Variants in SGCD observed in about 807,000 individuals in gnomAD.
SGCD encodes delta-sarcoglycan.
A neutral mutation model predicts 36.6 loss-of-function variants in SGCD; 18 were observed. The observed-to-expected ratio is 0.49, with a 90% CI of 0.34 to 0.73. The LOEUF (loss-of-function observed/expected upper bound fraction) is 0.73. Among genes scored for constraint, SGCD ranks in the 30% least tolerant of loss-of-function variants. The probability of loss-of-function intolerance (pLI) is 0.01; values close to 1 mark genes in which losing one functional copy is unlikely to be tolerated. For synonymous variants in SGCD, 133 were observed against 130.6 expected, an observed-to-expected ratio of 1.02 and a Z score of -0.12; for missense variants, 387 against 346.7, an observed-to-expected ratio of 1.12 and a Z score of -0.92.
At chr5:156,090,031 C>T (rs1260184648) in intron 1 of SGCD, among the ~76,000 whole-genome samples, 1 of 152,126 alleles carries the variant, frequency 6.6e-6, no homozygotes, top group Non-Finnish European at 1.5e-5. Context: ...ATGAAGGTCC[C>T]TGACATCTCT....
chr5:156,033,247 T>G (rs577102090), intron 1 of SGCD, among the ~76,000 whole-genome samples: 1 of 152,148 alleles, frequency 6.6e-6, no homozygotes, highest in East Asian at 1.9e-4. Flanking sequence ...TTAAAAAAAT[T>G]TTAATATATT....
intron 1 of SGCD, among the ~76,000 whole-genome samples, chr5:156,068,827 A>G (rs1760430225): frequency 6.6e-6 from 1 of 151,842 alleles, no homozygotes; most frequent in African/African-American, 2.4e-5. Flanking sequence ...AACTGGTGTG[A>G]GATGGTATCT....
intron 3 of SGCD, among the ~76,000 whole-genome samples, chr5:156,307,047 T>C (rs916445860): frequency 6.7e-6 from 1 of 150,300 alleles, no homozygotes; most frequent in Non-Finnish European, 1.5e-5. Context: ...TTTTCTTTTT[T>C]TTTTTTTTTT....
chr5:156,548,938 G>A (rs998657780), intron 4 of SGCD, among the ~76,000 whole-genome samples: 4 of 152,052 alleles, frequency 2.6e-5, no homozygotes, highest in African/African-American at 9.7e-5. Context: ...AAACATCACA[G>A]CACTTTCAAA....
the SGCD span, among the ~76,000 whole-genome samples, chr5:155,748,015 C>T: frequency 6.6e-6 from 1 of 152,054 alleles, no homozygotes; most frequent in East Asian, 1.9e-4. Context: ...TTCAATTAGC[C>T]TTAGGGTAAG....
At chr5:155,733,094 T>C in the SGCD span, among the ~76,000 whole-genome samples, 1 of 150,906 alleles carries the variant, frequency 6.6e-6, no homozygotes, top group Admixed American at 6.6e-5. Flanking sequence ...TGCATGAGTG[T>C]CGGCATTTGT....
intron 3 of SGCD, among the ~76,000 whole-genome samples, chr5:156,199,799 G>T (rs1764100729): frequency 6.6e-6 from 1 of 151,876 alleles, no homozygotes; most frequent in Non-Finnish European, 1.5e-5. Flanking sequence ...GTGCTTTATT[G>T]CTGAATAAAT....
intron 3 of SGCD, among the ~76,000 whole-genome samples, chr5:156,457,707 C>G (rs181673059): frequency 6.6e-6 from 1 of 152,136 alleles, no homozygotes; most frequent in African/African-American, 2.4e-5. Context: ...TTCCCTATGC[C>G]GCTCATAGTA....
intron 2 of SGCD, among the ~76,000 whole-genome samples, chr5:156,118,221 T>C (rs1043497117): frequency 5.9e-5 from 9 of 152,038 alleles, no homozygotes; most frequent in African/African-American, 2.2e-4. Context: ...GAGAATTTTG[T>C]TGGTATGTAC....
intron 3 of SGCD, among the ~76,000 whole-genome samples, chr5:156,379,391 C>T (rs1287675235): frequency 6.6e-6 from 1 of 152,110 alleles, no homozygotes; most frequent in African/African-American, 2.4e-5. Flanking sequence ...CAGAGAGGAT[C>T]AGAGGGAGCA....
At chr5:156,665,446 C>T (rs1183160835) in intron 7 of SGCD, among the ~76,000 whole-genome samples, 2 of 152,230 alleles carry the variant, frequency 1.3e-5, no homozygotes, top group Admixed American at 1.3e-4. Flanking sequence ...TATTAAACAG[C>T]TTCCAGGGGC....
intron 2 of SGCD, among the ~76,000 whole-genome samples, chr5:156,341,815 A>G (rs1156579724): frequency 6.6e-6 from 1 of 152,118 alleles, no homozygotes; most frequent in Non-Finnish European, 1.5e-5. Flanking sequence ...GGTTCAAGCA[A>G]TTCTCCCTGC....
At chr5:156,006,170 G>C (rs1253033905) in intron 1 of SGCD, among the ~76,000 whole-genome samples, 2 of 152,284 alleles carry the variant, frequency 1.3e-5, no homozygotes, top group African/African-American at 4.8e-5. Flanking sequence ...ATATGATACT[G>C]TTGGAAAGAA....
At chr5:155,730,482 G>A in the SGCD span, among the ~76,000 whole-genome samples, 1 of 35,936 alleles carries the variant, frequency 2.8e-5, no homozygotes, top group Non-Finnish European at 6.3e-5. Context: ...TGTGGCGAGG[G>A]GAAATTGGGG....
chr5:156,519,258 A>G (rs957000641), intron 4 of SGCD, among the ~76,000 whole-genome samples: 5 of 152,108 alleles, frequency 3.3e-5, no homozygotes, highest in Non-Finnish European at 7.4e-5. Flanking sequence ...TCCTGGACAC[A>G]TACACCCTTC....
rs528725119 is a variant in SGCD at position 156,585,520 on chromosome 5, C to T, written c.295-3711C>T. 3.3e-5 allele frequency among the ~76,000 whole-genome samples: 5 copies of T among 152,292 alleles called. No homozygotes were observed. In the East Asian group the frequency reaches 5.8e-4, roughly 18 times the overall value. On this transcript the variant is annotated intron_variant, in intron 4 of 8. Coordinates refer to ENST00000337851, the MANE Select transcript of SGCD (RefSeq NM_000337.6). ...GTGTTATTTTAGTAAACATAGAGCA[C>T]TGCGACCAATGCATTGTGATGACTG...
At chr5:156,302,897 G>A (rs1029489497) in intron 3 of SGCD, among the ~76,000 whole-genome samples, 3 of 152,166 alleles carry the variant, frequency 2.0e-5, no homozygotes, top group African/African-American at 7.2e-5. Flanking sequence ...CACCAACACT[G>A]GGATTGTGCT....
chr5:156,046,030 A>C (rs919833975), intron 1 of SGCD, among the ~76,000 whole-genome samples: 2 of 152,138 alleles, frequency 1.3e-5, no homozygotes, highest in Non-Finnish European at 2.9e-5. Flanking sequence ...AATTGTTTAC[A>C]TGGCCCTTTT....
intron 3 of SGCD, among the ~76,000 whole-genome samples, chr5:156,198,528 G>A (rs1333349946): frequency 6.6e-6 from 1 of 152,130 alleles, no homozygotes; most frequent in Non-Finnish European, 1.5e-5. Flanking sequence ...TAGTGAGCGA[G>A]TAGTTGGACT....
Sources: gnomAD v4.1 joint callset for allele counts (sites outside exome capture counted in the v4.1 genomes callset) on GRCh38, gnomAD v4.1.1 for gene constraint, MANE v1.5 for transcripts, NCBI Gene and HGNC (gene_info 2026-07-23, HGNC 2026-07-21) for gene names.